PAQR8: variants seen among roughly 807,000 people sequenced by gnomAD.
The protein encoded by PAQR8 is membrane progestin receptor beta.
Under a neutral mutation model 25.2 loss-of-function variants are expected in PAQR8, and 17 were observed. The observed-to-expected ratio is 0.67, with a 90% confidence interval of 0.46 to 1.01. The LOEUF (loss-of-function observed/expected upper bound fraction) is 1.01, where lower values mean the gene tolerates loss of function less well. Ranked by LOEUF, PAQR8 falls within the 50% of genes least tolerant of loss-of-function variation. PAQR8 has a pLI of 0.00. For synonymous variants in PAQR8, 204 were observed against 190.6 expected (o/e 1.07, Z -0.58); for missense variants, 392 against 448.4 (o/e 0.87, Z 1.14).
At position 52,407,059 on chromosome 6, in the gene PAQR8, T is replaced by C. The variant is rs1463039041; in HGVS notation, c.*2781T>C. On this transcript the variant is annotated 3_prime_UTR_variant, in exon 2 of 2. Coordinates refer to ENST00000442253, the MANE Select transcript of PAQR8 (RefSeq NM_133367.5). ...TGTATCAGTAAGAAACAGACCTAGT[T>C]TAAAAGGAATAATCAACAATTTTAT... 6.0e-6 allele frequency: 1 copy of C among 167,114 alleles called. No individual in the cohort carries two copies. The highest frequency in any genetic ancestry group is 1.5e-5 in the Non-Finnish European group (1 of 68,188). The allele number at this position is 167,114 out of a possible 1,614,324, so 10.4% of individuals were successfully genotyped here.
intron 1 of PAQR8, among the ~76,000 whole-genome samples, chr6:52,393,879 T>A (rs1207373116): frequency 6.6e-6 from 1 of 152,052 alleles, no homozygotes; most frequent in African/African-American, 2.4e-5. Context: ...ACAGGGACCA[T>A]TTGAGATGGG....
chr6:52,366,337 G>A (rs185042449), intron 1 of PAQR8, among the ~76,000 whole-genome samples: 2 of 152,246 alleles, frequency 1.3e-5, no homozygotes, highest in East Asian at 1.9e-4. Flanking sequence ...TGAGACACAG[G>A]CTTTGCCCTT....
intron 1 of PAQR8, among the ~76,000 whole-genome samples, 183 bp from the exon 2 acceptor site, chr6:52,402,979 G>A (rs1179571185): frequency 6.6e-6 from 1 of 152,174 alleles, no homozygotes; most frequent in East Asian, 1.9e-4. Flanking sequence ...AGCTACTCTG[G>A]AGGATCACCT....
intron 1 of PAQR8, among the ~76,000 whole-genome samples, chr6:52,394,984 C>T (rs1046818421): frequency 3.3e-5 from 5 of 151,766 alleles, no homozygotes; most frequent in Admixed American, 1.3e-4. Flanking sequence ...GATTAGATCC[C>T]GGCCGGGCAC....
chr6:52,389,494 T>A (rs1380984545), intron 1 of PAQR8, among the ~76,000 whole-genome samples: 1 of 151,922 alleles, frequency 6.6e-6, no homozygotes, highest in African/African-American at 2.4e-5. Flanking sequence ...TACCAAAATA[T>A]GTGGAATAGA....
intron 1 of PAQR8, among the ~76,000 whole-genome samples, chr6:52,401,375 A>G (rs543770182): frequency 2.1e-4 from 32 of 152,338 alleles, no homozygotes; most frequent in Non-Finnish European, 1.8e-4. Context: ...ACATAATTAC[A>G]TAAGGTAACT....
At position 52,403,397 on chromosome 6, in the gene PAQR8, T is replaced by G. The variant is rs1581799516; in HGVS notation, c.184T>G (p.Trp62Gly). The G allele has an allele frequency of 6.2e-7, 1 of 1,614,208 alleles. No homozygotes were observed. The highest frequency in any genetic ancestry group is 8.5e-7 in the Non-Finnish European group (1 of 1,180,028). ...CGGCTACCGCCCCACGGGGCACGAG[T>G]GGCGCTACTACTTCTTCAGCCTCTT... ...RTGYRPTGHE[W>G]RYYFFSLFQK... Residue 62 changes from tryptophan to glycine, a missense_variant, in exon 2 of 2, where the codon TGG becomes GGG. Trp to Gly is a radical substitution (Grantham distance 184). Coordinates refer to ENST00000442253, the MANE Select transcript of PAQR8 (RefSeq NM_133367.5).
chr6:52,373,737 T>TG (rs1210667372), intron 1 of PAQR8: 1 of 146,324 alleles, frequency 6.8e-6, no homozygotes, highest in Non-Finnish European at 1.5e-5. Flanking sequence ...CAAAAGGATC[T>TG]GTTTTTTTTT....
At chr6:52,398,177 A>G (rs1479807928) in intron 1 of PAQR8, among the ~76,000 whole-genome samples, 1 of 150,240 alleles carries the variant, frequency 6.7e-6, no homozygotes. Context: ...TTCTGACCAC[A>G]AGTTTAGAAT....
At chr6:52,390,495 T>C (rs1763691046) in intron 1 of PAQR8, among the ~76,000 whole-genome samples, 2 of 152,166 alleles carry the variant, frequency 1.3e-5, no homozygotes, top group South Asian at 4.1e-4. Context: ...GAAGGACACA[T>C]CTTGCTGCCA....
At chr6:52,400,185 C>CCA (rs1763814049) in intron 1 of PAQR8, among the ~76,000 whole-genome samples, 1 of 152,154 alleles carries the variant, frequency 6.6e-6, no homozygotes, top group South Asian at 2.1e-4. Flanking sequence ...TGGTAGAAGA[C>CCA]CACTGTCTGA....
chr6:52,386,324 A>G (rs1235714083), intron 1 of PAQR8, among the ~76,000 whole-genome samples: 4 of 152,202 alleles, frequency 2.6e-5, no homozygotes, highest in Admixed American at 2.6e-4. Flanking sequence ...CTACCATTTG[A>G]CCTAGCAACC....
chr6:52,392,220 C>T (rs1763716998), intron 1 of PAQR8, among the ~76,000 whole-genome samples: 1 of 151,930 alleles, frequency 6.6e-6, no homozygotes, highest in Non-Finnish European at 1.5e-5. Context: ...AGTGTGCGCC[C>T]TTAGTCCCAA....
At chr6:52,375,012 G>T (rs945210719) in intron 1 of PAQR8, among the ~76,000 whole-genome samples, 2 of 151,486 alleles carry the variant, frequency 1.3e-5, no homozygotes, top group South Asian at 2.1e-4. Context: ...TTTATTTAAA[G>T]ATATGTTATT....
At chr6:52,379,907 G>T (rs780368953) in intron 1 of PAQR8, among the ~76,000 whole-genome samples, 3 of 151,986 alleles carry the variant, frequency 2.0e-5, no homozygotes, top group Non-Finnish European at 4.4e-5. Context: ...GATTACAGGC[G>T]TGAGCCACCG....
At chr6:52,402,970 GCTA>G (rs1336343339) in intron 1 of PAQR8, among the ~76,000 whole-genome samples, 189 bp from the exon 2 acceptor site, 1 of 152,152 alleles carries the variant, frequency 6.6e-6, no homozygotes, top group Non-Finnish European at 1.5e-5. Context: ...TATGGTCCTA[GCTA>G]CTCTGGAGGA....
At chr6:52,400,493 C>T (rs1763817484) in intron 1 of PAQR8, among the ~76,000 whole-genome samples, 1 of 152,182 alleles carries the variant, frequency 6.6e-6, no homozygotes, top group Admixed American at 6.5e-5. Context: ...GATGGTGGGG[C>T]TCAGGATGTG....
chr6:52,381,289 GGCAAC>G (rs1763556791), intron 1 of PAQR8, among the ~76,000 whole-genome samples: 1 of 152,220 alleles, frequency 6.6e-6, no homozygotes, highest in Non-Finnish European at 1.5e-5. Context: ...CTACACTAAT[GGCAAC>G]AAGCATTGGT....
At chr6:52,368,819 A>T (rs138001164) in intron 1 of PAQR8, among the ~76,000 whole-genome samples, 66 of 152,194 alleles carry the variant, frequency 4.3e-4, no homozygotes, top group African/African-American at 1.5e-3. Context: ...CTCCCACCCA[A>T]ATCTCACCTT....
Sources: allele counts gnomAD v4.1 joint callset (sites outside exome capture counted in the v4.1 genomes callset), GRCh38; gene constraint gnomAD v4.1.1; transcripts MANE v1.5; gene names NCBI Gene and HGNC (gene_info 2026-07-23, HGNC 2026-07-21).